GALNT7: variants seen among roughly 807,000 people sequenced by gnomAD.
GALNT7 encodes the protein polypeptide N-acetylgalactosaminyltransferase 7.
Under a neutral mutation model 82.1 loss-of-function variants are expected in GALNT7, and 60 were observed. The ratio of observed to expected loss-of-function variants is 0.73; its 90% CI spans 0.59 to 0.91. The LOEUF is 0.91. Ranked by LOEUF, GALNT7 falls within the 40% of genes least tolerant of loss-of-function variation. The pLI is 0.00. For synonymous variants in GALNT7, 243 were observed against 275.1 expected (o/e 0.88, Z 1.15); for missense variants, 660 against 804.2 (o/e 0.82, Z 2.17).
Position 173,253,189 on chromosome 4 carries a change from G to C in GALNT7, c.587+4749G>C, listed in dbSNP as rs376598628. Among the ~76,000 whole-genome samples the C allele has an allele frequency of 2.6e-5, 4 of 152,244 alleles. No homozygotes were observed. The East Asian group carries it at 5.8e-4, about 22-fold the overall frequency. ...TGCACTCCAGCCTGAGTGATAGAGT[G>C]AGAGCCCATCTCAAAGAAAAGTAAA... On this transcript the variant is annotated intron_variant, in intron 2 of 11. Coordinates refer to ENST00000265000, the MANE Select transcript of GALNT7 (RefSeq NM_017423.3).
rs771156493 is a variant in GALNT7, at chr4:173,313,941, ATAT to A, written c.1390-15_1390-13del. The stretch of plus-strand genomic sequence containing the variant: ...TATTTTTATAACGATATATATATAT[ATAT>A]TTTTTTTTTACAGAATTATGTTAGA... On this transcript the variant is annotated splice_polypyrimidine_tract_variant and intron_variant, in intron 8 of 11. Coordinates refer to ENST00000265000, the MANE Select transcript of GALNT7 (RefSeq NM_017423.3). The A allele has an allele frequency of 1.8e-4, 195 of 1,082,686 alleles. No individual in the cohort carries two copies. The highest frequency in any genetic ancestry group is 2.1e-4 in the Non-Finnish European group (158 of 735,506). The allele number at this position is 1,082,686 out of a possible 1,614,324, so 67.1% of individuals were successfully genotyped here. A position where few individuals can be genotyped will look rare whatever the true frequency, so the allele number is the denominator to read the frequency against.
At chr4:173,232,685 C>T (rs1292307219) in intron 1 of GALNT7, among the ~76,000 whole-genome samples, 2 of 152,172 alleles carry the variant, frequency 1.3e-5, no homozygotes, top group Non-Finnish European at 2.9e-5. Flanking sequence ...ATCCTCCTGC[C>T]TCAGCCTCCC....
intron 1 of GALNT7, among the ~76,000 whole-genome samples, chr4:173,242,267 T>A (rs961718455): frequency 6.6e-6 from 1 of 152,232 alleles, no homozygotes; most frequent in African/African-American, 2.4e-5. Context: ...TTTGAGCAGA[T>A]AATTCTTACC....
intron 8 of GALNT7, among the ~76,000 whole-genome samples, chr4:173,308,793 C>T (rs1201900606): frequency 1.3e-5 from 2 of 152,176 alleles, no homozygotes; most frequent in African/African-American, 2.4e-5. Context: ...ATCCCAGCTA[C>T]TCAAGAGGCT....
At chr4:173,221,867 A>G (rs963574627) in intron 1 of GALNT7, among the ~76,000 whole-genome samples, 7 of 152,210 alleles carry the variant, frequency 4.6e-5, no homozygotes, top group Non-Finnish European at 1.0e-4. Flanking sequence ...GATTTATTCA[A>G]CTTTCCCCAT....
At chr4:173,281,298 T>C (rs1375087623) in intron 2 of GALNT7, among the ~76,000 whole-genome samples, 1 of 152,180 alleles carries the variant, frequency 6.6e-6, no homozygotes, top group African/African-American at 2.4e-5. Flanking sequence ...TCAGTTCTCT[T>C]GCTGCCTTTG....
At chr4:173,198,779 G>A (rs972478344) in intron 1 of GALNT7, among the ~76,000 whole-genome samples, 6 of 152,050 alleles carry the variant, frequency 3.9e-5, no homozygotes, top group Non-Finnish European at 7.4e-5. Flanking sequence ...ACTGGGGGAG[G>A]GAGAGAGAGA....
rs1417527573 is a variant in GALNT7, at chr4:173,302,262, A to G, written c.1266+98A>G. 2 of 741,118 alleles carry G rather than the reference A, an allele frequency of 2.7e-6. No homozygotes were observed. The highest frequency in any genetic ancestry group is 3.0e-5 in the South Asian group (2 of 66,616). The allele number at this position is 741,118 out of a possible 1,614,324, so 45.9% of individuals were successfully genotyped here. ...TTTTTGTGGGGGAAAAAAGCCCACA[A>G]TTATATCATGCATTTCTCCAAATTG... On this transcript the variant is annotated intron_variant, in intron 7 of 11. Transcript: ENST00000265000. This position sits in a 1 kb window ranked among gnomAD's most constrained non-coding sequence, Gnocchi z 4.2.
chr4:173,282,070 C>G (rs1355074510), intron 2 of GALNT7, among the ~76,000 whole-genome samples: 1 of 152,188 alleles, frequency 6.6e-6, no homozygotes, highest in East Asian at 1.9e-4. Flanking sequence ...CGAGTTACAG[C>G]TGACTCCAGA....
intron 4 of GALNT7, 79 bp downstream of exon 4, chr4:173,295,605 G>A (rs1263835029): frequency 1.3e-5 from 18 of 1,413,358 alleles, no homozygotes; most frequent in Non-Finnish European, 1.8e-5. Context: ...TCATTCTTCA[G>A]TTTTTTTAAT....
chr4:173,174,885 C>T (rs548752837), intron 1 of GALNT7, among the ~76,000 whole-genome samples: 1 of 152,316 alleles, frequency 6.6e-6, no homozygotes, highest in Admixed American at 6.5e-5. Context: ...TATTTTGTGA[C>T]TTAGGCTGGT....
chr4:173,271,201 T>A (rs1353258391), intron 2 of GALNT7, among the ~76,000 whole-genome samples: 1 of 152,250 alleles, frequency 6.6e-6, no homozygotes, highest in African/African-American at 2.4e-5. Context: ...AAAGCTTTAA[T>A]GTATTATTTT....
chr4:173,279,013 C>T (rs192664250), intron 2 of GALNT7, among the ~76,000 whole-genome samples: 53 of 152,284 alleles, frequency 3.5e-4, no homozygotes, highest in African/African-American at 1.3e-3. Flanking sequence ...AAACTGAACA[C>T]TTGGGTAAAA....
At chr4:173,288,943 T>C (rs1185332595) in intron 2 of GALNT7, among the ~76,000 whole-genome samples, 2 of 151,978 alleles carry the variant, frequency 1.3e-5, no homozygotes, top group Non-Finnish European at 2.9e-5. Context: ...CCAGCAAGAC[T>C]CTGTCTCTAG....
At position 173,315,460 on chromosome 4, in the gene GALNT7, T is replaced by C. The variant is rs139624083; in HGVS notation, c.1608+1284T>C. Among the ~76,000 whole-genome samples the C allele has an allele frequency of 7.9e-5, 12 of 152,200 alleles. 1 individual carries two copies. Among genetic ancestry groups the C allele is most frequent in the African/African-American group, 2.9e-4 (12 of 41,520 alleles). On this transcript the variant is annotated intron_variant, in intron 9 of 11. Coordinates refer to ENST00000265000, the MANE Select transcript of GALNT7 (RefSeq NM_017423.3). ...TCCAGAAGAGAGGCCACTCTGGAGATGTGCATTTGGGGCCATCAGCAGGTA... is the reference window on the plus strand; with the variant it reads ...TCCAGAAGAGAGGCCACTCTGGAGACGTGCATTTGGGGCCATCAGCAGGTA...
At chr4:173,176,611 A>G (rs1218313996) in intron 1 of GALNT7, among the ~76,000 whole-genome samples, 1 of 152,268 alleles carries the variant, frequency 6.6e-6, no homozygotes, top group Non-Finnish European at 1.5e-5. Context: ...AGTTAAGTCC[A>G]CTGAGTCCTG....
chr4:173,211,430 G>T (rs1050529663), intron 1 of GALNT7, among the ~76,000 whole-genome samples: 1 of 152,166 alleles, frequency 6.6e-6, no homozygotes, highest in Non-Finnish European at 1.5e-5. Flanking sequence ...CGTCCTGTGT[G>T]ATCAAACAGC....
intron 1 of GALNT7, among the ~76,000 whole-genome samples, chr4:173,171,700 C>T (rs1731879840): frequency 6.6e-6 from 1 of 152,136 alleles, no homozygotes; most frequent in African/African-American, 2.4e-5. Flanking sequence ...CTTACATTTC[C>T]GATCATATTC....
chr4:173,284,575 G>T (rs1736245235), intron 2 of GALNT7, among the ~76,000 whole-genome samples: 1 of 152,056 alleles, frequency 6.6e-6, no homozygotes, highest in African/African-American at 2.4e-5. Context: ...GCACCCAAAA[G>T]CAAGGGGCCA....
Sources: gnomAD v4.1 joint callset for allele counts (sites outside exome capture counted in the v4.1 genomes callset) on GRCh38, gnomAD v4.1.1 for gene constraint, Gnocchi (gnomAD v3.1) non-coding constraint, MANE v1.5 for transcripts, NCBI Gene and HGNC (gene_info 2026-07-23, HGNC 2026-07-21) for gene names.